The following NRG1 variants were observed in gnomAD, a reference collection of about 807,000 sequenced individuals.
NRG1 encodes the protein neuregulin 1.
NRG1 carries 18 observed loss-of-function variants against 63.8 expected under a neutral mutation model. That is an observed-to-expected ratio of 0.28 (90% CI 0.19 to 0.42). The LOEUF (loss-of-function observed/expected upper bound fraction) is 0.42, where lower values mean the gene tolerates loss of function less well. Ranked by LOEUF, NRG1 falls within the 10% of genes least tolerant of loss-of-function variation. The pLI is 1.00. For synonymous variants in NRG1, 302 were observed against 301.3 expected (o/e 1.00, Z -0.02); for missense variants, 762 against 814.7 (o/e 0.94, Z 0.79).
chr8:32,695,275 A>C (rs1304857885), intron 5 of NRG1, among the ~76,000 whole-genome samples: 1 of 152,078 alleles, frequency 6.6e-6, no homozygotes, highest in Non-Finnish European at 1.5e-5. Flanking sequence ...TGGGAGTTCA[A>C]GGCTGCAGTG....
At chr8:32,623,041 C>T (rs1355142676) in intron 5 of NRG1, among the ~76,000 whole-genome samples, 1 of 152,220 alleles carries the variant, frequency 6.6e-6, no homozygotes, top group East Asian at 1.9e-4. Context: ...CTTCATTTTA[C>T]AGGAACTAAT....
intron 11 of NRG1, among the ~76,000 whole-genome samples, chr8:32,762,713 A>G (rs902572155): frequency 6.6e-6 from 1 of 152,198 alleles, no homozygotes; most frequent in Non-Finnish European, 1.5e-5. Context: ...GCCAGTGTGA[A>G]GAAAAGAGTC....
intron 1 of NRG1, among the ~76,000 whole-genome samples, chr8:32,049,821 C>G (rs1470077204): frequency 6.6e-6 from 1 of 152,078 alleles, no homozygotes; most frequent in Non-Finnish European, 1.5e-5. Context: ...ATTGTCATTG[C>G]AGACCCTCCA....
chr8:32,121,519 A>C (rs1833445520), intron 1 of NRG1, among the ~76,000 whole-genome samples: 1 of 151,790 alleles, frequency 6.6e-6, no homozygotes, highest in African/African-American at 2.4e-5. Context: ...TGAATTCCCT[A>C]TTTCCTTTAA....
intron 3 of NRG1, 77 bp from the exon 4 acceptor site, chr8:32,614,437 G>C (rs1343088260): frequency 3.5e-6 from 5 of 1,437,676 alleles, no homozygotes; most frequent in Non-Finnish European, 4.9e-6. Flanking sequence ...TTAACTTTTA[G>C]TTCCAAGGCA....
chr8:32,450,223 C>T (rs886830681), intron 1 of NRG1, among the ~76,000 whole-genome samples: 3 of 152,092 alleles, frequency 2.0e-5, no homozygotes, highest in African/African-American at 7.2e-5. Context: ...TACACCACAA[C>T]CCTGTGAGTG....
upstream of NRG1, among the ~76,000 whole-genome samples, chr8:32,547,075 C>A (rs1465334390): frequency 6.6e-6 from 1 of 152,194 alleles, no homozygotes; most frequent in East Asian, 1.9e-4. Flanking sequence ...GACCACAACA[C>A]AAGAGTATTT....
At chr8:31,842,843 T>G (rs1354692892) in intron 1 of NRG1, among the ~76,000 whole-genome samples, 1 of 152,178 alleles carries the variant, frequency 6.6e-6, no homozygotes, top group Non-Finnish European at 1.5e-5. Flanking sequence ...TGGTTCCTCT[T>G]TCTGCATTGT....
At chr8:32,231,606 A>G (rs1000804284) in intron 1 of NRG1, among the ~76,000 whole-genome samples, 1 of 152,100 alleles carries the variant, frequency 6.6e-6, no homozygotes, top group Non-Finnish European at 1.5e-5. Context: ...ACTTTAAATT[A>G]AAGTTGTTTT....
At chr8:32,376,682 T>C (rs1809672279) in intron 1 of NRG1, among the ~76,000 whole-genome samples, 1 of 152,088 alleles carries the variant, frequency 6.6e-6, no homozygotes, top group African/African-American at 2.4e-5. Context: ...GAATTGCAAA[T>C]GGAGAGAGAG....
intron 7 of NRG1, among the ~76,000 whole-genome samples, chr8:32,748,396 GAT>G (rs1554662642): frequency 4.8e-5 from 7 of 147,028 alleles, no homozygotes; most frequent in Admixed American, 2.0e-4. Flanking sequence ...GAGAGAGAGA[GAT>G]AAAGGAAGTC....
chr8:32,233,955 G>A (rs1307291743), intron 1 of NRG1, among the ~76,000 whole-genome samples: 1 of 152,112 alleles, frequency 6.6e-6, no homozygotes, highest in Non-Finnish European at 1.5e-5. Flanking sequence ...TTTCATTAAG[G>A]AATGTCTGAA....
intron 1 of NRG1, among the ~76,000 whole-genome samples, chr8:32,401,891 GTTGT>G (rs1281776395): frequency 6.6e-6 from 1 of 152,020 alleles, no homozygotes; most frequent in Non-Finnish European, 1.5e-5. Flanking sequence ...TAAAATAAAA[GTTGT>G]TTGTTTGGTT....
At chr8:31,639,924 A>G (rs1306599065) in intron 1 of NRG1, 1 of 1,113,076 alleles carries the variant, frequency 9.0e-7, no homozygotes, top group Non-Finnish European at 1.1e-6. Flanking sequence ...AAAGGGAGGC[A>G]GCGCGAGAGA....
intron 1 of NRG1, among the ~76,000 whole-genome samples, chr8:32,329,059 C>T (rs1215800670): frequency 6.6e-6 from 1 of 152,190 alleles, no homozygotes; most frequent in Admixed American, 6.5e-5. Flanking sequence ...GCCTCAACCT[C>T]TCCAGCTCAA....
chr8:32,334,206 C>T (rs1054487742), intron 1 of NRG1, among the ~76,000 whole-genome samples: 1 of 151,998 alleles, frequency 6.6e-6, no homozygotes, highest in African/African-American at 2.4e-5. Flanking sequence ...TTTTTAGTGT[C>T]CAGCATGGAG....
chr8:32,661,726 T>G (rs1391241276), intron 5 of NRG1, among the ~76,000 whole-genome samples: 1 of 151,980 alleles, frequency 6.6e-6, no homozygotes, highest in Non-Finnish European at 1.5e-5. Context: ...CTTTATTGAG[T>G]GCCTGCTCAA....
intron 1 of NRG1, among the ~76,000 whole-genome samples, chr8:31,763,586 C>G (rs1298489069): frequency 1.3e-5 from 2 of 152,118 alleles, no homozygotes; most frequent in African/African-American, 4.8e-5. Flanking sequence ...AACTCAAATA[C>G]TAAAGTATGA....
intron 1 of NRG1, among the ~76,000 whole-genome samples, chr8:32,301,879 T>C (rs1425934692): frequency 1.3e-5 from 2 of 152,046 alleles, no homozygotes; most frequent in African/African-American, 4.8e-5. Context: ...CCAAACCATA[T>C]CAGGCCCACT....
Sources: allele counts gnomAD v4.1 joint callset (sites outside exome capture counted in the v4.1 genomes callset), GRCh38; gene constraint gnomAD v4.1.1; transcripts MANE v1.5; gene names NCBI Gene and HGNC (gene_info 2026-07-23, HGNC 2026-07-21).